Variants in DAPK1 observed in about 807,000 individuals in gnomAD.
DAPK1 encodes the protein death-associated protein kinase 1.
In DAPK1, 56 loss-of-function variants were observed where a neutral mutation model predicts 144.9. The observed-to-expected ratio is 0.39, with a 90% CI of 0.31 to 0.48. The LOEUF is 0.48. DAPK1 is among the 20% of genes least tolerant of loss of function. The pLI, the probability that DAPK1 is intolerant of heterozygous loss-of-function variation, is 0.95. For synonymous variants in DAPK1, 690 were observed against 749.0 expected, an observed-to-expected ratio of 0.92 and a Z score of 1.29; for missense variants, 1,454 against 1,875.4, an observed-to-expected ratio of 0.78 and a Z score of 4.15.
chr9:87,553,008 C>G (rs1826555171), intron 2 of DAPK1, among the ~76,000 whole-genome samples: 1 of 152,106 alleles, frequency 6.6e-6, no homozygotes, highest in East Asian at 1.9e-4. Context: ...TTTCGTCATC[C>G]CAAGCTGAAA....
intron 21 of DAPK1, among the ~76,000 whole-genome samples, chr9:87,696,065 G>T (rs1007826271): frequency 2.0e-5 from 3 of 152,092 alleles, no homozygotes; most frequent in Non-Finnish European, 4.4e-5. Flanking sequence ...ACACTTCTGC[G>T]TAATATGACC....
Position 87,658,319 on chromosome 9 carries a change from C to G in DAPK1, c.1923+192C>G, listed in dbSNP as rs543803315. ...CCCAGCCTAATGTCTCCTTAATGTT[C>G]GTCCTCTTCTCATCTCACCACACCC... On this transcript the variant is annotated intron_variant, in intron 18 of 25. Coordinates refer to ENST00000408954, the MANE Select transcript of DAPK1 (RefSeq NM_004938.4). Among the ~76,000 whole-genome samples the G allele has an allele frequency of 6.8e-4, 104 of 152,354 alleles. 1 individual carries two copies. The South Asian group carries it at 9.1e-3, about 13-fold the overall frequency.
chr9:87,525,399 G>A (rs534993995), intron 2 of DAPK1: 174 of 1,611,372 alleles, frequency 1.1e-4, no homozygotes, highest in South Asian at 1.6e-4. Context: ...GGTCTGATCC[G>A]GAAATATGGC....
At chr9:87,586,231 T>A (rs1426789252) in intron 2 of DAPK1, among the ~76,000 whole-genome samples, 1 of 151,998 alleles carries the variant, frequency 6.6e-6, no homozygotes, top group Admixed American at 6.6e-5. Flanking sequence ...CAGGCTATAG[T>A]GAGCTGAGAT....
intron 21 of DAPK1, among the ~76,000 whole-genome samples, chr9:87,690,176 C>G (rs1182287951): frequency 1.3e-5 from 2 of 152,054 alleles, no homozygotes; most frequent in African/African-American, 2.4e-5. Flanking sequence ...CTCTCAGTGT[C>G]TTTCGTCTGT....
At chr9:87,649,836 A>C in intron 15 of DAPK1, 85 bp from the exon 16 acceptor site, 1 of 1,419,364 alleles carries the variant, frequency 7.0e-7, no homozygotes, top group Non-Finnish European at 9.9e-7. Flanking sequence ...GTTTCTGCCA[A>C]ATTTGACAGG....
At position 87,707,334 on chromosome 9, in the gene DAPK1, C is replaced by T. The variant is rs1237796975; in HGVS notation, c.4263C>T (p.Tyr1421=). The change falls in exon 26 of 26, where the codon TAC becomes TAT. Residue 1421 remains tyrosine (Y), a synonymous_variant. Transcript: ENST00000408954. This position sits in a 1 kb window ranked among gnomAD's most constrained non-coding sequence, Gnocchi z 4.0. ...CGAGCTGCAACAGCGGCACCTCTTA[C>T]AATTCCATTAGCTCTGTTGTATCCC... The part of the protein sequence containing the change: ...YASSCNSGTS[Y]NSISSVVSR 3 of 1,610,948 alleles carry T rather than the reference C, an allele frequency of 1.9e-6. No homozygotes were observed. The highest frequency in any genetic ancestry group is 2.5e-6 in the Non-Finnish European group (3 of 1,178,114).
At chr9:87,562,413 G>A (rs150137905) in intron 2 of DAPK1, among the ~76,000 whole-genome samples, 35 of 152,246 alleles carry the variant, frequency 2.3e-4, no homozygotes, top group African/African-American at 8.2e-4. Context: ...TAAGGACTGG[G>A]TCTTGAGGCT....
intron 2 of DAPK1, among the ~76,000 whole-genome samples, chr9:87,567,138 A>G (rs767375389): frequency 6.6e-6 from 1 of 152,240 alleles, no homozygotes; most frequent in Non-Finnish European, 1.5e-5. Flanking sequence ...CTGTTGGCAC[A>G]GCAAGTGAAG....
intron 19 of DAPK1, among the ~76,000 whole-genome samples, chr9:87,673,960 G>C (rs1238878711): frequency 6.6e-6 from 1 of 152,152 alleles, no homozygotes; most frequent in East Asian, 1.9e-4. Flanking sequence ...CTGGGCAGCT[G>C]TCCAAACCTG....
intron 19 of DAPK1, among the ~76,000 whole-genome samples, chr9:87,676,687 G>A (rs1252775376): frequency 1.3e-5 from 2 of 152,248 alleles, no homozygotes; most frequent in African/African-American, 4.8e-5. Flanking sequence ...GGCCAAGGCT[G>A]ACAGCTCCTG....
intron 19 of DAPK1, among the ~76,000 whole-genome samples, chr9:87,678,978 A>G (rs1298898992): frequency 6.6e-6 from 1 of 152,184 alleles, no homozygotes; most frequent in Non-Finnish European, 1.5e-5. Flanking sequence ...TGCAGTTATA[A>G]CAGCAAAAGT....
chr9:87,604,867 C>G, intron 2 of DAPK1, 87 bp from the exon 3 acceptor site: 1 of 1,214,996 alleles, frequency 8.2e-7, no homozygotes, highest in Non-Finnish European at 1.2e-6. Flanking sequence ...TCACAGTTCT[C>G]TTGTCCCCCT....
intron 2 of DAPK1, among the ~76,000 whole-genome samples, chr9:87,538,904 G>A (rs1184999952): frequency 3.3e-5 from 5 of 151,542 alleles, no homozygotes; most frequent in African/African-American, 1.2e-4. Flanking sequence ...TTGTTAGACA[G>A]TAAGTTTATT....
chr9:87,654,526 G>T (rs1830567833), intron 17 of DAPK1, among the ~76,000 whole-genome samples: 1 of 152,172 alleles, frequency 6.6e-6, no homozygotes, highest in African/African-American at 2.4e-5. Context: ...TGTGTGGAAG[G>T]GCAGTATCCC....
intron 2 of DAPK1, among the ~76,000 whole-genome samples, chr9:87,558,618 C>T (rs1200040427): frequency 2.0e-5 from 3 of 152,202 alleles, no homozygotes; most frequent in Non-Finnish European, 4.4e-5. Context: ...TAGCTGGTCT[C>T]TTGGTTTCTG....
intron 3 of DAPK1, among the ~76,000 whole-genome samples, chr9:87,609,878 C>T (rs781155247): frequency 1.3e-5 from 2 of 152,158 alleles, no homozygotes; most frequent in African/African-American, 2.4e-5. Context: ...AGTGATGAAG[C>T]GGGTCCCCTT....
chr9:87,626,899 C>T (rs143692058), intron 3 of DAPK1, among the ~76,000 whole-genome samples: 17 of 152,056 alleles, frequency 1.1e-4, no homozygotes, highest in African/African-American at 3.6e-4. Context: ...TAAAAAGTTC[C>T]GGAGGGCTGT....
At chr9:87,507,116 T>G (rs916554906) in intron 2 of DAPK1, 1 of 152,262 alleles carries the variant, frequency 6.6e-6, no homozygotes, top group Admixed American at 6.5e-5. Flanking sequence ...GACGCGGGTT[T>G]GTCACTTTGG....
Sources: gnomAD v4.1 joint callset for allele counts (sites outside exome capture counted in the v4.1 genomes callset) on GRCh38, gnomAD v4.1.1 for gene constraint, Gnocchi (gnomAD v3.1) non-coding constraint, MANE v1.5 for transcripts, NCBI Gene and HGNC (gene_info 2026-07-23, HGNC 2026-07-21) for gene names.